The following RIPK1 variants were observed in gnomAD, a reference collection of about 807,000 sequenced individuals.
RIPK1 encodes receptor interacting serine/threonine kinase 1.
RIPK1 carries 27 observed loss-of-function variants against 62.4 expected under a neutral mutation model. The ratio of observed to expected loss-of-function variants is 0.43; its 90% CI spans 0.32 to 0.60. The LOEUF (loss-of-function observed/expected upper bound fraction) is 0.60. Among genes scored for constraint, RIPK1 ranks in the 20% least tolerant of loss-of-function variants. RIPK1 has a pLI of 0.07. For missense variants in RIPK1, 735 were observed against 831.0 expected (o/e 0.88, Z 1.42); for synonymous variants, 287 against 303.2 (o/e 0.95, Z 0.55).
At chr6:3,111,776 G>A (rs543453262) in intron 10 of RIPK1, among the ~76,000 whole-genome samples, 2 of 152,326 alleles carry the variant, frequency 1.3e-5, no homozygotes, top group African/African-American at 4.8e-5. Flanking sequence ...CAGAACTTGC[G>A]AATGGTCAGG....
At chr6:3,066,028 G>GT (rs1325548614), upstream of RIPK1, among the ~76,000 whole-genome samples, 2 of 152,102 alleles carry the variant, frequency 1.3e-5, no homozygotes, top group African/African-American at 4.8e-5. Context: ...GGAACGTGGA[G>GT]TTTTTTATTT....
intron 10 of RIPK1, among the ~76,000 whole-genome samples, chr6:3,111,907 A>C (rs1194981279): frequency 3.9e-5 from 6 of 152,268 alleles, no homozygotes; most frequent in South Asian, 2.1e-4. Context: ...GGATAGAGAG[A>C]GAGCCACATC....
upstream of RIPK1, among the ~76,000 whole-genome samples, chr6:3,066,181 G>C (rs765191539): frequency 6.6e-6 from 1 of 152,022 alleles, no homozygotes; most frequent in African/African-American, 2.4e-5. Flanking sequence ...GCACCACCAC[G>C]CCCAGCTAAT....
At chr6:3,087,747 G>A (rs1042749561) in intron 6 of RIPK1, among the ~76,000 whole-genome samples, 2 of 151,582 alleles carry the variant, frequency 1.3e-5, no homozygotes, top group South Asian at 2.1e-4. Context: ...CACCGTGTTA[G>A]CCAGGATGGT....
chr6:3,079,341 G>C (rs1426980648), intron 3 of RIPK1, among the ~76,000 whole-genome samples: 1 of 152,098 alleles, frequency 6.6e-6, no homozygotes, highest in African/African-American at 2.4e-5. Flanking sequence ...GCCTCCCGAA[G>C]TTCTGGGATT....
chr6:3,076,133 T>C (rs1759035570), intron 1 of RIPK1, among the ~76,000 whole-genome samples: 1 of 152,214 alleles, frequency 6.6e-6, no homozygotes, highest in Admixed American at 6.5e-5. Context: ...AGTTTTGGTA[T>C]GCATTTCAAT....
chr6:3,094,589 A>ATATG (rs148012425), intron 7 of RIPK1, among the ~76,000 whole-genome samples: 13,117 of 149,474 alleles, frequency 0.088, 1,739 homozygotes, highest in African/African-American at 0.29. Flanking sequence ...TCATATATAT[A>ATATG]TATATATATA....
rs1465376862 is a variant in RIPK1, at chr6:3,068,547, G to C, written c.-175G>C. 9.1e-6 allele frequency: 9 copies of C among 985,284 alleles called. No individual in the cohort carries two copies. Among genetic ancestry groups the C allele is most frequent in the Non-Finnish European group, 1.1e-5 (9 of 829,878 alleles). 61.0% of individuals were successfully genotyped at this position (985,284 alleles called of 1,614,324 possible). ...GACGCGGACGGCGGGCCAGCTGCCG[G>C]AGCGCGGCGACTCCAGGGGACCCAC... On this transcript the variant is annotated 5_prime_UTR_variant, in exon 1 of 11. Coordinates refer to ENST00000259808, the MANE Select transcript of RIPK1 (RefSeq NM_001354930.2).
At position 3,083,293 on chromosome 6, in the gene RIPK1, C is replaced by A; in HGVS notation, c.668C>A (p.Ala223Glu). The A allele has an allele frequency of 1.2e-6, 2 of 1,613,082 alleles. No individual in the cohort carries two copies. Among genetic ancestry groups the A allele is most frequent in the Non-Finnish European group, 1.7e-6 (2 of 1,179,900 alleles). Residue 223 changes from alanine to glutamate, a missense_variant, in exon 5 of 11, where the codon GCA becomes GAA. This residue lies in a region of RIPK1 where 671 missense variants were observed against 726.2 expected (regional missense o/e 0.92). Transcript: ENST00000259808. ...GCTGTAGTACTCTGGGCGATATTTG[C>A]AAATAAGGAGCCATATGAAAGTAAG... is the stretch of plus-strand genomic sequence containing the variant. ...SFAVVLWAIFANKEPYENAIC... is the reference protein window; with the variant it reads ...SFAVVLWAIFENKEPYENAIC...
At chr6:3,083,037 G>A in intron 4 of RIPK1, 48 bp from the exon 5 acceptor site, 1 of 1,571,534 alleles carries the variant, frequency 6.4e-7, no homozygotes, top group Non-Finnish European at 8.8e-7. Flanking sequence ...GATCTGATTT[G>A]CTTACGGCCT....
intron 1 of RIPK1, among the ~76,000 whole-genome samples, chr6:3,069,942 C>T (rs1380840775): frequency 1.3e-5 from 2 of 151,868 alleles, no homozygotes; most frequent in Non-Finnish European, 2.9e-5. Context: ...ACCCAGGAGG[C>T]GGTAGTTGCA....
At chr6:3,106,446 T>C (rs1489933022) in intron 9 of RIPK1, among the ~76,000 whole-genome samples, 8 of 152,252 alleles carry the variant, frequency 5.3e-5, no homozygotes, top group Non-Finnish European at 1.0e-4. Context: ...TGACCTTATA[T>C]AGCTCAAAGA....
chr6:3,070,432 C>A (rs1039095465), intron 1 of RIPK1, among the ~76,000 whole-genome samples: 1 of 152,078 alleles, frequency 6.6e-6, no homozygotes, highest in Admixed American at 6.6e-5. Context: ...TTCAAAAATA[C>A]ATGAGCCGTG....
chr6:3,090,727 G>A (rs1226394409), intron 7 of RIPK1, among the ~76,000 whole-genome samples: 2 of 151,982 alleles, frequency 1.3e-5, no homozygotes, highest in African/African-American at 4.8e-5. Context: ...TGACGTAACG[G>A]AAACACAGGA....
chr6:3,101,204 G>A (rs1477647820), intron 7 of RIPK1, among the ~76,000 whole-genome samples: 2 of 152,182 alleles, frequency 1.3e-5, no homozygotes, highest in Non-Finnish European at 2.9e-5. Flanking sequence ...CTTGAGCCTG[G>A]AGGTTGAGCC....
chr6:3,068,334 GC>G, upstream of RIPK1: 1 of 985,338 alleles, frequency 1.0e-6, no homozygotes, highest in Non-Finnish European at 1.2e-6. Context: ...TTTTACGTAG[GC>G]CGCCCCACTC....
At chr6:3,094,631 A>G (rs914678761) in intron 7 of RIPK1, among the ~76,000 whole-genome samples, 1 of 151,050 alleles carries the variant, frequency 6.6e-6, no homozygotes. Flanking sequence ...TTAGCCAAAC[A>G]TTATCTGAAG....
In RIPK1 at chr6:3,113,343, T is replaced by TG. The variant is rs781733817; in HGVS notation, c.*6dup. 1.2e-6 allele frequency: 2 copies of TG among 1,611,956 alleles called. No individual in the cohort carries two copies. Among genetic ancestry groups the TG allele is most frequent in the South Asian group, 2.2e-5 (2 of 91,002 alleles). ...GATTTACGTCAGCCAGAACTAACCC[T>TG]GGATGGGCTACGGCAGCTGAAGTGG... On this transcript the variant is annotated 3_prime_UTR_variant, in exon 11 of 11. Coordinates refer to ENST00000259808, the MANE Select transcript of RIPK1 (RefSeq NM_001354930.2). The surrounding 1 kb of genome is among the most constrained non-coding windows in gnomAD (Gnocchi z 5.0).
At chr6:3,076,284 G>T (rs928638281) in intron 1 of RIPK1, among the ~76,000 whole-genome samples, 1 of 152,122 alleles carries the variant, frequency 6.6e-6, no homozygotes, top group Admixed American at 6.5e-5. Flanking sequence ...TTAAAAATAT[G>T]AAAAATAGCT....
Sources: gnomAD v4.1 joint callset for allele counts (sites outside exome capture counted in the v4.1 genomes callset) on GRCh38, gnomAD v4.1.1 for gene constraint, gnomAD v4.1.1 regional missense constraint, Gnocchi (gnomAD v3.1) non-coding constraint, MANE v1.5 for transcripts, NCBI Gene and HGNC (gene_info 2026-07-23, HGNC 2026-07-21) for gene names.